The following PACRG variants were observed in gnomAD, a reference collection of about 807,000 sequenced individuals.
PACRG encodes the protein parkin coregulated, also known as parkin coregulated gene protein.
A neutral mutation model predicts 29.7 loss-of-function variants in PACRG; 29 were observed. The observed-to-expected ratio is 0.98, with a 90% CI of 0.73 to 1.33. PACRG has a LOEUF of 1.33. Ranked by LOEUF, PACRG falls within the 40% of genes most tolerant of loss-of-function variation. The pLI is 0.00. For missense variants in PACRG, 279 were observed against 316.2 expected (o/e 0.88, Z 0.89); for synonymous variants, 116 against 118.7 (o/e 0.98, Z 0.15).
At chr6:163,267,625 T>A (rs907389320) in intron 4 of PACRG, among the ~76,000 whole-genome samples, 6 of 152,246 alleles carry the variant, frequency 3.9e-5, no homozygotes, top group African/African-American at 1.4e-4. Flanking sequence ...AAAGGTTAGA[T>A]TAAAAAGTAT....
intron 1 of PACRG, among the ~76,000 whole-genome samples, chr6:162,770,688 A>G (rs1359999678): frequency 1.3e-5 from 2 of 152,074 alleles, no homozygotes; most frequent in African/African-American, 4.8e-5. Context: ...TAGGGCTTTG[A>G]TTACTCACAC....
At chr6:163,239,774 C>A (rs1448666020) in intron 4 of PACRG, among the ~76,000 whole-genome samples, 2 of 145,354 alleles carry the variant, frequency 1.4e-5, no homozygotes, top group African/African-American at 2.5e-5. Context: ...ACACCTCCAC[C>A]CCCACACACA....
At chr6:162,818,409 T>A (rs1787539223) in intron 2 of PACRG, among the ~76,000 whole-genome samples, 1 of 152,154 alleles carries the variant, frequency 6.6e-6, no homozygotes, top group Admixed American at 6.5e-5. Context: ...GGGCTCTTTG[T>A]AAAGGTTTTC....
rs146016879 is a variant in PACRG at position 162,782,121 on chromosome 6, T to G, written c.157-32026T>G. 1.4e-3 allele frequency among the ~76,000 whole-genome samples: 207 copies of G among 151,972 alleles called. 1 individual carries two copies. The highest frequency in any genetic ancestry group is 2.1e-3 in the South Asian group (10 of 4,822). ...AAAGACAACTGCGATAGCTAATGAG[T>G]ATCAAACAGTGGATTTCAGAACAGA... On this transcript the variant is annotated intron_variant, in intron 1 of 4. Transcript: ENST00000366888.
At chr6:162,930,442 G>A (rs1562745614) in intron 2 of PACRG, among the ~76,000 whole-genome samples, 1 of 151,682 alleles carries the variant, frequency 6.6e-6, no homozygotes, top group African/African-American at 2.4e-5. Flanking sequence ...TGTTGATTTT[G>A]TATCCTGCAA....
chr6:163,262,628 A>G (rs535635537), intron 4 of PACRG, among the ~76,000 whole-genome samples: 17 of 152,200 alleles, frequency 1.1e-4, no homozygotes, highest in Admixed American at 3.3e-4. Flanking sequence ...CGGCATTCCA[A>G]TTATTCCCTC....
intron 4 of PACRG, among the ~76,000 whole-genome samples, chr6:163,188,004 C>T (rs1780033215): frequency 6.6e-6 from 1 of 152,124 alleles, no homozygotes; most frequent in Non-Finnish European, 1.5e-5. Flanking sequence ...TTAAAAAGTC[C>T]CAAAATGAGC....
At chr6:163,242,968 G>A (rs544009132) in intron 4 of PACRG, among the ~76,000 whole-genome samples, 17 of 152,182 alleles carry the variant, frequency 1.1e-4, no homozygotes, top group Non-Finnish European at 2.2e-4. Flanking sequence ...TAGTCTGAAA[G>A]CAATTGTCTT....
At chr6:163,256,039 T>A (rs1039319589) in intron 4 of PACRG, among the ~76,000 whole-genome samples, 1 of 152,256 alleles carries the variant, frequency 6.6e-6, no homozygotes, top group African/African-American at 2.4e-5. Context: ...TTTCACTCTT[T>A]GAAAGTTATT....
chr6:162,937,292 A>G (rs1798301068), intron 2 of PACRG, among the ~76,000 whole-genome samples: 1 of 152,230 alleles, frequency 6.6e-6, no homozygotes, highest in Admixed American at 6.5e-5. Flanking sequence ...TATATTTTAA[A>G]TATCATCTTA....
chr6:163,086,800 C>T (rs895436860), intron 3 of PACRG, among the ~76,000 whole-genome samples: 2 of 151,974 alleles, frequency 1.3e-5, no homozygotes, highest in Non-Finnish European at 2.9e-5. Flanking sequence ...TTGAACTAAA[C>T]CAAATCCTCA....
chr6:162,904,640 G>A (rs1405220474), intron 2 of PACRG, among the ~76,000 whole-genome samples: 1 of 152,158 alleles, frequency 6.6e-6, no homozygotes, highest in Non-Finnish European at 1.5e-5. Context: ...GTTAAATGAC[G>A]TTCAGAAATC....
At chr6:163,187,891 C>T (rs1780027347) in intron 4 of PACRG, 1 of 152,260 alleles carries the variant, frequency 6.6e-6, no homozygotes, top group South Asian at 2.1e-4. Flanking sequence ...CGGGCTTTCT[C>T]CCAGTCCCCT....
chr6:163,041,301 C>T (rs1253478338), intron 2 of PACRG, among the ~76,000 whole-genome samples: 1 of 151,948 alleles, frequency 6.6e-6, no homozygotes, highest in Non-Finnish European at 1.5e-5. Context: ...CGTGCCACTG[C>T]ACTCCAGCCT....
chr6:163,209,655 A>C (rs1327273415), intron 4 of PACRG, among the ~76,000 whole-genome samples: 2 of 152,226 alleles, frequency 1.3e-5, no homozygotes, highest in Non-Finnish European at 2.9e-5. Flanking sequence ...TGACTTTTTC[A>C]TAATGCATGA....
chr6:163,263,805 T>G (rs542950593), intron 4 of PACRG, among the ~76,000 whole-genome samples: 1 of 152,342 alleles, frequency 6.6e-6, no homozygotes, highest in East Asian at 1.9e-4. Flanking sequence ...GATTTACATA[T>G]TTTTTAGATA....
chr6:163,251,048 G>A (rs2128172159), intron 4 of PACRG, among the ~76,000 whole-genome samples: 1 of 151,968 alleles, frequency 6.6e-6, no homozygotes, highest in East Asian at 1.9e-4. Flanking sequence ...CTGATACATG[G>A]GAGCTAAGCT....
At chr6:163,227,965 A>T (rs1781871243) in intron 4 of PACRG, among the ~76,000 whole-genome samples, 1 of 152,236 alleles carries the variant, frequency 6.6e-6, no homozygotes, top group Non-Finnish European at 1.5e-5. Context: ...TTAAAAATTA[A>T]CTTGTGATTA....
chr6:162,902,818 A>T (rs1053069756), intron 2 of PACRG, among the ~76,000 whole-genome samples: 2 of 152,232 alleles, frequency 1.3e-5, no homozygotes, highest in South Asian at 4.1e-4. Flanking sequence ...AAGGAAATAA[A>T]GTATTCCTCT....
Sources: gnomAD v4.1 joint callset for allele counts (sites outside exome capture counted in the v4.1 genomes callset) on GRCh38, gnomAD v4.1.1 for gene constraint, MANE v1.5 for transcripts, NCBI Gene and HGNC (gene_info 2026-07-23, HGNC 2026-07-21) for gene names.